Variants in MSH3 observed in about 807,000 individuals in gnomAD.
The protein encoded by MSH3 is mutS homolog 3, also known as DNA mismatch repair protein Msh3.
In MSH3, 106 loss-of-function variants were observed where a neutral mutation model predicts 123.3. The observed-to-expected ratio is 0.86, with a 90% CI of 0.73 to 1.01. MSH3 has a LOEUF of 1.01. Ranked by LOEUF, MSH3 falls within the 50% of genes least tolerant of loss-of-function variation. MSH3 has a pLI of 0.00. For missense variants in MSH3, 1,459 were observed against 1,347.6 expected (o/e 1.08, Z -1.29); for synonymous variants, 515 against 481.4 (o/e 1.07, Z -0.91).
chr5:80,742,003 C>CTTTTTTTT (rs565490803), intron 11 of MSH3, among the ~76,000 whole-genome samples: 2 of 144,858 alleles, frequency 1.4e-5, no homozygotes, highest in African/African-American at 2.5e-5. Flanking sequence ...TGCAAACTTT[C>CTTTTTTTT]TTTTTTTTTT....
rs397942439 is a variant in MSH3 at position 80,658,037 on chromosome 5, C to CTTTTTTTTTTTTTTTTTTTTTTTT, written c.358+1519_358+1520insTTTTTTTTTTTTTTTTTTTTTTTT. 2.6e-5 allele frequency among the ~76,000 whole-genome samples: 3 copies of CTTTTTTTTTTTTTTTTTTTTTTTT among 116,640 alleles called. 1 individual carries two copies. Among genetic ancestry groups the CTTTTTTTTTTTTTTTTTTTTTTTT allele is most frequent in the African/African-American group, 1.0e-4 (3 of 29,052 alleles). The allele number at this position is 116,640 out of a possible 152,430, so 76.5% of individuals were successfully genotyped here. Reference sequence around the variant, plus strand: ...TTTTCCTAAGAATGCTTTTTGCCCTCTTTTTTTTTTTTTGAGATAGGGTCT... The same window carrying CTTTTTTTTTTTTTTTTTTTTTTTT: ...TTTTCCTAAGAATGCTTTTTGCCCTCTTTTTTTTTTTTTTTTTTTTTTTTTTTTTTTTTTTTTGAGATAGGGTCT... On this transcript the variant is annotated intron_variant, in intron 2 of 23. Coordinates refer to ENST00000265081, the MANE Select transcript of MSH3 (RefSeq NM_002439.5).
chr5:80,688,915 C>G (rs879696763), intron 8 of MSH3, among the ~76,000 whole-genome samples: 1 of 152,030 alleles, frequency 6.6e-6, no homozygotes, highest in Admixed American at 6.6e-5. Flanking sequence ...AAGCTCAATT[C>G]TGTGGGTTCA....
Position 80,757,456 on chromosome 5 carries a change from A to T in MSH3, c.1764-4090A>T, listed in dbSNP as rs1210930215. 3.9e-5 allele frequency among the ~76,000 whole-genome samples: 6 copies of T among 152,302 alleles called. No individual in the cohort carries two copies. The South Asian group carries it at 8.3e-4, about 21-fold the overall frequency. ...CACTCTGTGTTTCTGAGTGACAGCC[A>T]CACATGGTAGATACTCATGTCACCA... On this transcript the variant is annotated intron_variant, in intron 12 of 23. Transcript: ENST00000265081.
At chr5:80,823,436 T>C (rs1745235658) in intron 20 of MSH3, among the ~76,000 whole-genome samples, 1 of 152,204 alleles carries the variant, frequency 6.6e-6, no homozygotes, top group Admixed American at 6.5e-5. Context: ...TAGACCATCC[T>C]GGGCACTTCA....
intron 6 of MSH3, among the ~76,000 whole-genome samples, chr5:80,674,636 A>C (rs1330364259): frequency 6.6e-6 from 1 of 152,264 alleles, no homozygotes; most frequent in East Asian, 1.9e-4. Flanking sequence ...AAGGCATGCA[A>C]CTATGATCCA....
chr5:80,765,120 C>A (rs2112882456), intron 13 of MSH3, among the ~76,000 whole-genome samples: 1 of 152,306 alleles, frequency 6.6e-6, no homozygotes, highest in Non-Finnish European at 1.5e-5. Context: ...AACTTGAGAA[C>A]AACCTGCTGC....
At chr5:80,795,726 A>G (rs908142210) in intron 19 of MSH3, among the ~76,000 whole-genome samples, 1 of 152,208 alleles carries the variant, frequency 6.6e-6, no homozygotes, top group African/African-American at 2.4e-5. Context: ...ACAAGTTAAT[A>G]AGTACCAATC....
At position 80,749,595 on chromosome 5, in the gene MSH3, C is replaced by G. The variant is rs146548915; in HGVS notation, c.1763+4980C>G. The stretch of plus-strand genomic sequence containing the variant: ...CCTTCCACCCAATCAAGTTGACATT[C>G]AGTATTAACCATCACAATATTCATG... On this transcript the variant is annotated intron_variant, in intron 12 of 23. Transcript: ENST00000265081. Among the ~76,000 whole-genome samples the G allele has an allele frequency of 1.7e-3, 261 of 152,284 alleles. 2 individuals are homozygous for G. The highest frequency in any genetic ancestry group is 6.0e-3 in the African/African-American group (248 of 41,560).
intron 13 of MSH3, among the ~76,000 whole-genome samples, chr5:80,762,942 G>C (rs1264854131): frequency 6.6e-6 from 1 of 151,050 alleles, no homozygotes; most frequent in Non-Finnish European, 1.5e-5. Flanking sequence ...TACCTCCCAG[G>C]TTTAATCGAT....
rs536331355 is a variant in MSH3 at position 80,692,549 on chromosome 5, T to G, written c.1340+13456T>G. Among the ~76,000 whole-genome samples, 2 of 76,550 alleles carry G rather than the reference T, an allele frequency of 2.6e-5. 1 individual carries two copies. The highest frequency in any genetic ancestry group is 5.1e-4 in the East Asian group (2 of 3,918). The allele number at this position is 76,550 out of a possible 152,430, so 50.2% of individuals were successfully genotyped here. ...ATAGATAAACATGTATATGTTTATA[T>G]AGAGAGATAAACATGTATATGTTTA... On this transcript the variant is annotated intron_variant, in intron 8 of 23. Coordinates refer to ENST00000265081, the MANE Select transcript of MSH3 (RefSeq NM_002439.5).
intron 19 of MSH3, among the ~76,000 whole-genome samples, chr5:80,807,440 A>G (rs2112045349): frequency 6.6e-6 from 1 of 152,348 alleles, no homozygotes; most frequent in African/African-American, 2.4e-5. Flanking sequence ...ATTATTGGAT[A>G]CACAATTTTT....
At position 80,854,207 on chromosome 5, in the gene MSH3, G is replaced by A. The variant is rs776609799; in HGVS notation, c.2891G>A (p.Arg964Lys). The change falls in exon 21 of 24, where the codon AGA becomes AAA. Residue 964 changes from arginine to lysine, a missense_variant. Physicochemically the swap from Arg to Lys is conservative, Grantham distance 26. Transcript: ENST00000265081. ...CTGACTGACACAGCAGAAATAATCAGAAAAGCAACATCACAGTCCTTGGTT... is the reference window on the plus strand; with the variant it reads ...CTGACTGACACAGCAGAAATAATCAAAAAAGCAACATCACAGTCCTTGGTT... ...EELTDTAEII[R>K]KATSQSLVIL... The A allele has an allele frequency of 6.2e-7, 1 of 1,613,882 alleles. No homozygotes were observed. The highest frequency in any genetic ancestry group is 8.5e-7 in the Non-Finnish European group (1 of 1,179,878).
intron 21 of MSH3, among the ~76,000 whole-genome samples, chr5:80,858,207 G>C (rs1745950971): frequency 6.6e-6 from 1 of 151,940 alleles, no homozygotes; most frequent in Non-Finnish European, 1.5e-5. Context: ...ACAACACCCA[G>C]CTAATTTCAC....
rs1743616432 is a variant in MSH3 at position 80,741,635 on chromosome 5, G to A, written c.1653+87G>A. The A allele has an allele frequency of 7.6e-6, 7 of 922,558 alleles. No individual in the cohort carries two copies. The Admixed American group carries it at 1.2e-4, about 16-fold the overall frequency. The allele number at this position is 922,558 out of a possible 1,614,324, so 57.1% of individuals were successfully genotyped here. On this transcript the variant is annotated intron_variant, in intron 11 of 23. Coordinates refer to ENST00000265081, the MANE Select transcript of MSH3 (RefSeq NM_002439.5). ...CAGCAGTCTGTTTTTAGAGGTACAG[G>A]TGAAAATATAGTGTCTTTAGCTGAC...
intron 6 of MSH3, among the ~76,000 whole-genome samples, chr5:80,673,785 G>A (rs1007595654): frequency 2.6e-5 from 4 of 152,028 alleles, no homozygotes; most frequent in Admixed American, 6.6e-5. Flanking sequence ...GTTATTTGAT[G>A]CCAAATAATT....
intron 21 of MSH3, among the ~76,000 whole-genome samples, chr5:80,859,213 C>G (rs899294366): frequency 1.1e-4 from 16 of 152,202 alleles, no homozygotes; most frequent in African/African-American, 3.9e-4. Flanking sequence ...CTCTGCCTCC[C>G]AGATTCAAGT....
At chr5:80,807,637 C>T (rs1255808975) in intron 19 of MSH3, among the ~76,000 whole-genome samples, 5 of 152,224 alleles carry the variant, frequency 3.3e-5, no homozygotes, top group African/African-American at 1.2e-4. Flanking sequence ...GTATGATTAT[C>T]ACCTGCCTTA....
chr5:80,654,766 C>G lies in MSH3; in HGVS notation c.39C>G (p.Ala13=). Residue 13 remains alanine (A), a synonymous_variant, in exon 1 of 24, where the codon GCC becomes GCG. Transcript: ENST00000265081. ...AGCCTGCGTCGGGCGGCCTCGCTGC[C>G]TCCAGCTCAGCCCCTGCGAGGCAAG... ...RRKPASGGLA[A]SSSAPARQAV... is the part of the protein sequence containing the mutation. The G allele has an allele frequency of 6.2e-7, 1 of 1,605,848 alleles. No homozygotes were observed. Among genetic ancestry groups the G allele is most frequent in the Non-Finnish European group, 8.5e-7 (1 of 1,177,098 alleles).
Position 80,705,744 on chromosome 5 carries a change from C to T in MSH3, c.1341-19709C>T, listed in dbSNP as rs142856230. On this transcript the variant is annotated intron_variant, in intron 8 of 23. Transcript: ENST00000265081. Reference sequence around the variant, plus strand: ...TCCAGGCCTCTCCTTGACTTGTAGACGGCCACCTCCTTCTTACGTCTCTTC... The same window carrying T: ...TCCAGGCCTCTCCTTGACTTGTAGATGGCCACCTCCTTCTTACGTCTCTTC... Among the ~76,000 whole-genome samples the T allele has an allele frequency of 1.6e-3, 240 of 152,218 alleles. 4 individuals are homozygous for T. In the East Asian group the frequency reaches 0.038, roughly 24 times the overall value.
Sources: gnomAD v4.1 joint callset for allele counts (sites outside exome capture counted in the v4.1 genomes callset) on GRCh38, gnomAD v4.1.1 for gene constraint, MANE v1.5 for transcripts, NCBI Gene and HGNC (gene_info 2026-07-23, HGNC 2026-07-21) for gene names.